SYBU: variants seen among roughly 807,000 people sequenced by gnomAD.
SYBU encodes the protein GOLSYN A protein.
SYBU carries 21 observed loss-of-function variants against 35.9 expected under a neutral mutation model. That is an observed-to-expected ratio of 0.58 (90% CI 0.41 to 0.84). The LOEUF (loss-of-function observed/expected upper bound fraction) is 0.84. SYBU is among the 40% of genes least tolerant of loss of function. The pLI is 0.00. For synonymous variants in SYBU, 319 were observed against 324.3 expected (o/e 0.98, Z 0.18); for missense variants, 768 against 848.2 (o/e 0.91, Z 1.17).
At chr8:109,648,285 T>TAATATATATAG (rs1815924591), upstream of SYBU, among the ~76,000 whole-genome samples, 6 of 146,042 alleles carry the variant, frequency 4.1e-5, no homozygotes, top group Admixed American at 2.7e-4. Flanking sequence ...AATATATATA[T>TAATATATATAG]ATATCTCCTG....
rs115333835 is a variant in SYBU, at chr8:109,620,644, G to A, written c.230-1605C>T. On this transcript the variant is annotated intron_variant, in intron 2 of 6. Transcript: ENST00000276646. ...CTGTGGTCTGTTTCTGGAAGTGAAT[G>A]GTTTTTAGGGTGCTGCTCATGCCTG... Among the ~76,000 whole-genome samples the A allele has an allele frequency of 8.2e-3, 1,242 of 152,244 alleles. 9 individuals carry two copies. Among genetic ancestry groups the A allele is most frequent in the African/African-American group, 0.029 (1,184 of 41,538 alleles).
chr8:109,643,315 G>C, intron 1 of SYBU: 1 of 358,524 alleles, frequency 2.8e-6, no homozygotes, highest in Non-Finnish European at 3.9e-6. Context: ...TGGCTTACTT[G>C]ATAGCCTTCA....
chr8:109,672,970 C>G (rs1053203950), intron 1 of SYBU, among the ~76,000 whole-genome samples: 1 of 152,234 alleles, frequency 6.6e-6, no homozygotes, highest in African/African-American at 2.4e-5. Context: ...TGTAGCCAGA[C>G]TGCCTCTTTG....
intron 1 of SYBU, among the ~76,000 whole-genome samples, chr8:109,651,180 A>C (rs1161178041): frequency 6.6e-6 from 1 of 152,192 alleles, no homozygotes; most frequent in Non-Finnish European, 1.5e-5. Flanking sequence ...TGGAGACCGG[A>C]CCCATCTGAA....
At chr8:109,630,482 C>T (rs890749019) in intron 2 of SYBU, among the ~76,000 whole-genome samples, 2 of 151,318 alleles carry the variant, frequency 1.3e-5, no homozygotes, top group South Asian at 2.1e-4. Flanking sequence ...AGGCCACTAC[C>T]GTAATAGAAA....
chr8:109,680,210 G>A (rs1178039714), intron 1 of SYBU: 1 of 152,196 alleles, frequency 6.6e-6, no homozygotes, highest in African/African-American at 2.4e-5. Context: ...AAAGCCTGCA[G>A]TACAAAATTA....
At chr8:109,672,688 C>T (rs987899813) in intron 1 of SYBU, among the ~76,000 whole-genome samples, 3 of 152,192 alleles carry the variant, frequency 2.0e-5, no homozygotes, top group Admixed American at 6.5e-5. Flanking sequence ...CAGAACCGTT[C>T]CCTCCCCTGG....
intron 3 of SYBU, among the ~76,000 whole-genome samples, chr8:109,597,123 G>A (rs1824971276): frequency 6.6e-6 from 1 of 152,134 alleles, no homozygotes; most frequent in South Asian, 2.1e-4. Flanking sequence ...TGTTGAGTTT[G>A]GCTTAGGTCA....
chr8:109,690,670 A>T (rs1409672135), intron 1 of SYBU, among the ~76,000 whole-genome samples: 2 of 152,132 alleles, frequency 1.3e-5, no homozygotes, highest in African/African-American at 4.8e-5. Context: ...CACATACTAA[A>T]TTAAGCTCAC....
intron 1 of SYBU, among the ~76,000 whole-genome samples, chr8:109,669,339 CAAAAAAAAAAA>C (rs533510895): frequency 1.2e-4 from 6 of 49,696 alleles, no homozygotes; most frequent in Admixed American, 3.0e-4. Context: ...GAGACTCCGT[CAAAAAAAAAAA>C]AAAAAAAAAA....
chr8:109,589,183 A>G (rs1823948094), intron 3 of SYBU, among the ~76,000 whole-genome samples: 1 of 152,116 alleles, frequency 6.6e-6, no homozygotes, highest in African/African-American at 2.4e-5. Context: ...AAAACAAAAA[A>G]CAAAACAAAC....
rs775891748 is a variant in SYBU, at chr8:109,586,115, C to T, written c.475G>A (p.Ala159Thr). 43 of 1,611,676 alleles carry T rather than the reference C, an allele frequency of 2.7e-5. No individual in the cohort carries two copies. Among genetic ancestry groups the T allele is most frequent in the South Asian group, 1.0e-4 (9 of 90,292 alleles). Reference protein sequence around the residue: ...SSSSSTGSISAPEVHMSTAGS... With the variant: ...SSSSSTGSISTPEVHMSTAGS... ...GCAGTCGACATATGGACCTCAGGAG[C>T]GGAAATGCTGCCTGTGCTGCTCGAG... The change falls in exon 4 of 7, where the codon GCT (alanine) becomes ACT (threonine). Residue 159 changes from alanine to threonine, a missense_variant. By Grantham distance (58) the Ala-to-Thr change is moderately conservative. Coordinates refer to ENST00000276646, the MANE Select transcript of SYBU (RefSeq NM_001099754.2).
chr8:109,575,699 C>T lies in SYBU; in HGVS notation c.1199G>A (p.Ser400Asn). ...LDFPCDSPEK[S>N]LTLNPPLDTM... ...GTCAAGAGGGGGGTTGAGGGTTAAG[C>T]TCTTCTCTGGGGAATCACATGGAAA... is the stretch of plus-strand genomic sequence containing the variant. Residue 400 changes from serine to asparagine, a missense_variant, in exon 7 of 7, where the codon AGC becomes AAC. Physicochemically the swap from Ser to Asn is conservative, Grantham distance 46. Transcript: ENST00000276646. 6.2e-7 allele frequency: 1 copy of T among 1,614,150 alleles called. No individual in the cohort carries two copies. The highest frequency in any genetic ancestry group is 1.7e-5 in the Admixed American group (1 of 60,026).
chr8:109,628,145 C>CTT (rs1813180459), intron 2 of SYBU, among the ~76,000 whole-genome samples: 1 of 152,112 alleles, frequency 6.6e-6, no homozygotes, highest in African/African-American at 2.4e-5. Context: ...CACTAAGATC[C>CTT]TTGTTCTTAA....
chr8:109,625,522 C>G (rs180791757), intron 2 of SYBU, among the ~76,000 whole-genome samples: 6 of 152,060 alleles, frequency 3.9e-5, no homozygotes, highest in Non-Finnish European at 8.8e-5. Context: ...TCCTGGCTCA[C>G]GTGATTATTC....
At chr8:109,686,943 C>G (rs144647513) in intron 1 of SYBU, among the ~76,000 whole-genome samples, 202 of 152,186 alleles carry the variant, frequency 1.3e-3, no homozygotes, top group African/African-American at 4.5e-3. Context: ...CACATCCCAC[C>G]ATTTTCAGAT....
At chr8:109,634,396 T>C (rs1813982485) in intron 2 of SYBU, among the ~76,000 whole-genome samples, 1 of 152,226 alleles carries the variant, frequency 6.6e-6, no homozygotes, top group African/African-American at 2.4e-5. Context: ...AATGTTTTCT[T>C]CATCTAACCA....
chr8:109,650,976 T>A (rs1816109582), intron 1 of SYBU, among the ~76,000 whole-genome samples: 1 of 152,212 alleles, frequency 6.6e-6, no homozygotes, highest in Non-Finnish European at 1.5e-5. Flanking sequence ...AAAACCAGCA[T>A]GTTAAAATAA....
chr8:109,589,977 G>T (rs897308574), intron 3 of SYBU, among the ~76,000 whole-genome samples: 7 of 151,524 alleles, frequency 4.6e-5, no homozygotes, highest in Non-Finnish European at 7.4e-5. Context: ...ATTCAGGTTG[G>T]ACCACCTCAA....
Sources: allele counts gnomAD v4.1 joint callset (sites outside exome capture counted in the v4.1 genomes callset), GRCh38; gene constraint gnomAD v4.1.1; transcripts MANE v1.5; gene names NCBI Gene and HGNC (gene_info 2026-07-23, HGNC 2026-07-21).